ADAMTS6: variants seen among roughly 807,000 people sequenced by gnomAD.
ADAMTS6 encodes ADAM metallopeptidase with thrombospondin type 1 motif 6, also known as A disintegrin and metalloproteinase with thrombospondin motifs 6.
In ADAMTS6, 23 loss-of-function variants were observed where a neutral mutation model predicts 144.3. The ratio of observed to expected loss-of-function variants is 0.16; its 90% confidence interval spans 0.11 to 0.23. The LOEUF is 0.23. ADAMTS6 is among the 10% of genes least tolerant of loss of function. The pLI, the probability that ADAMTS6 is intolerant of heterozygous loss-of-function variation, is 1.00. For synonymous variants in ADAMTS6, 444 were observed against 457.5 expected (o/e 0.97, Z 0.38); for missense variants, 999 against 1,379.6 (o/e 0.72, Z 4.37).
At chr5:65,426,878 A>G (rs1756579405) in intron 7 of ADAMTS6, among the ~76,000 whole-genome samples, 1 of 152,212 alleles carries the variant, frequency 6.6e-6, no homozygotes, top group South Asian at 2.1e-4. Context: ...GAGCCCACAG[A>G]TAAAGAAGGC....
intron 7 of ADAMTS6, among the ~76,000 whole-genome samples, chr5:65,389,868 T>A (rs1752770820): frequency 6.6e-6 from 1 of 152,170 alleles, no homozygotes; most frequent in Admixed American, 6.5e-5. Flanking sequence ...GTCATTTGAG[T>A]GACAATAAAG....
chr5:65,424,985 A>AT (rs971269065), intron 7 of ADAMTS6, among the ~76,000 whole-genome samples: 2 of 151,464 alleles, frequency 1.3e-5, no homozygotes, highest in Non-Finnish European at 2.9e-5. Flanking sequence ...ATATACACAG[A>AT]TTTTTTGTTT....
intron 9 of ADAMTS6, among the ~76,000 whole-genome samples, chr5:65,318,769 G>A (rs1745259610): frequency 6.6e-6 from 1 of 151,974 alleles, no homozygotes; most frequent in African/African-American, 2.4e-5. Context: ...CGGGTAGGCT[G>A]GTTAATAGGT....
At chr5:65,434,352 A>G (rs1757221897) in intron 7 of ADAMTS6, among the ~76,000 whole-genome samples, 1 of 152,214 alleles carries the variant, frequency 6.6e-6, no homozygotes, top group Non-Finnish European at 1.5e-5. Flanking sequence ...AATAAACTAA[A>G]AAACCGTTGG....
chr5:65,469,770 A>C (rs1475984836), intron 3 of ADAMTS6, among the ~76,000 whole-genome samples: 2 of 152,332 alleles, frequency 1.3e-5, no homozygotes, highest in Middle Eastern at 3.4e-3. Flanking sequence ...AACTTATTTA[A>C]ACCCAACTCG....
intron 11 of ADAMTS6, among the ~76,000 whole-genome samples, chr5:65,278,063 T>C (rs1369155824): frequency 6.8e-6 from 1 of 146,020 alleles, no homozygotes; most frequent in Admixed American, 6.8e-5. Context: ...CTCCCACTTA[T>C]AAGTGAGAAC....
rs73761660 is a variant in ADAMTS6 at position 65,193,153 on chromosome 5, G to T, written c.2705+3869C>A. 8.9e-3 allele frequency among the ~76,000 whole-genome samples: 1,354 copies of T among 151,996 alleles called. 21 individuals are homozygous for T. Among genetic ancestry groups the T allele is most frequent in the African/African-American group, 0.031 (1,271 of 41,520 alleles). The stretch of plus-strand genomic sequence containing the variant: ...AAAAAGAAACTTTGAAAGTATAAGA[G>T]TGGGGAAGACCTTTCTAAACAGTGT... On this transcript the variant is annotated intron_variant, in intron 21 of 24. Transcript: ENST00000381055.
intron 15 of ADAMTS6, among the ~76,000 whole-genome samples, chr5:65,239,263 T>TAA (rs397884878): frequency 0.052 from 7,404 of 142,804 alleles, 576 homozygotes; most frequent in African/African-American, 0.17. Flanking sequence ...ACTTAATGTA[T>TAA]AAAAAAAAAA....
rs555247148 is a variant in ADAMTS6 at position 65,151,167 on chromosome 5, C to T, written c.*669G>A. The T allele has an allele frequency of 6.6e-6, 1 of 152,652 alleles. No homozygotes were observed. Among genetic ancestry groups the T allele is most frequent in the South Asian group, 2.1e-4 (1 of 4,834 alleles). The allele number at this position is 152,652 out of a possible 1,614,324, so 9.5% of individuals were successfully genotyped here. A position where few individuals can be genotyped will look rare whatever the true frequency, so the allele number is the denominator to read the frequency against. On this transcript the variant is annotated 3_prime_UTR_variant, in exon 25 of 25. Coordinates refer to ENST00000381055, the MANE Select transcript of ADAMTS6 (RefSeq NM_197941.4). ...ATGCACTGCTTTAAACTATGCCCCT[C>T]ATTATTGTTCAGTTTAATATAGTTT...
intron 7 of ADAMTS6, among the ~76,000 whole-genome samples, chr5:65,359,627 T>C (rs1399888945): frequency 6.6e-6 from 1 of 152,198 alleles, no homozygotes; most frequent in Non-Finnish European, 1.5e-5. Flanking sequence ...TGTCTATCTA[T>C]GATTAATGGA....
intron 7 of ADAMTS6, among the ~76,000 whole-genome samples, chr5:65,408,256 G>T (rs907341031): frequency 6.6e-6 from 1 of 152,030 alleles, no homozygotes; most frequent in East Asian, 1.9e-4. Context: ...GGAAACCCAT[G>T]TTACGTGCAG....
intron 20 of ADAMTS6, chr5:65,210,528 T>C (rs923488725): frequency 2.6e-5 from 12 of 455,652 alleles, no homozygotes; most frequent in African/African-American, 2.4e-4. Flanking sequence ...AAAGCATTGA[T>C]GTTCAACCAG....
chr5:65,316,096 G>A lies in ADAMTS6; in HGVS notation c.1223+13282C>T, dbSNP rs564229306. 5.3e-5 allele frequency among the ~76,000 whole-genome samples: 8 copies of A among 152,214 alleles called. No homozygotes were observed. The South Asian group carries it at 1.7e-3, about 32-fold the overall frequency. ...GCTAATTTTTTTGTATTTTTTAGTA[G>A]AGACGGGGTTTCACCATGTTGCCCA... On this transcript the variant is annotated intron_variant, in intron 9 of 24. Coordinates refer to ENST00000381055, the MANE Select transcript of ADAMTS6 (RefSeq NM_197941.4).
chr5:65,307,831 T>C (rs758952976), intron 9 of ADAMTS6, among the ~76,000 whole-genome samples: 4 of 152,330 alleles, frequency 2.6e-5, no homozygotes, highest in Non-Finnish European at 5.9e-5. Flanking sequence ...CTAAACCACT[T>C]GTCTAGTTCC....
chr5:65,157,154 GGTTCTCA>G (rs1277730196), intron 24 of ADAMTS6, among the ~76,000 whole-genome samples: 4 of 152,154 alleles, frequency 2.6e-5, no homozygotes, highest in Non-Finnish European at 5.9e-5. Context: ...ATGCTGGAGT[GGTTCTCA>G]TTGGTAATCT....
intron 24 of ADAMTS6, among the ~76,000 whole-genome samples, chr5:65,160,487 GTAGAGATGGGGTTTCA>G (rs1183359930): frequency 9.9e-5 from 15 of 151,720 alleles, no homozygotes; most frequent in African/African-American, 3.6e-4. Flanking sequence ...TTTGTTTTTA[GTAGAGATGGGGTTTCA>G]CCATGTTAGG....
Position 65,471,108 on chromosome 5 carries a change from T to C in ADAMTS6, c.132A>G (p.Leu44=). ...TTTGATCAACCCTTATTGGAATAGT[T>C]AGCTGGTAGTGTTCAAGATAAGTCA... ...EFLTYLEHYQ[L]TIPIRVDQNG... is the part of the protein sequence containing the mutation. Residue 44 remains leucine (L), a synonymous_variant, in exon 3 of 25, where the codon CTA becomes CTG. Transcript: ENST00000381055. The C allele has an allele frequency of 6.2e-7, 1 of 1,606,484 alleles. No homozygotes were observed.
intron 22 of ADAMTS6, among the ~76,000 whole-genome samples, chr5:65,187,085 A>G (rs1301714880): frequency 6.6e-6 from 1 of 152,242 alleles, no homozygotes; most frequent in Non-Finnish European, 1.5e-5. Context: ...CTGGCAGGAT[A>G]TATTAGAACA....
At chr5:65,291,240 G>C in intron 11 of ADAMTS6, 89 bp downstream of exon 11, 1 of 1,457,362 alleles carries the variant, frequency 6.9e-7, no homozygotes, top group Non-Finnish European at 9.2e-7. Context: ...TTACTAGAGG[G>C]AACCGACATT....
Sources: gnomAD v4.1 joint callset for allele counts (sites outside exome capture counted in the v4.1 genomes callset) on GRCh38, gnomAD v4.1.1 for gene constraint, MANE v1.5 for transcripts, NCBI Gene and HGNC (gene_info 2026-07-23, HGNC 2026-07-21) for gene names.